Variants in PLAGL1 observed in about 807,000 individuals in gnomAD.
PLAGL1 encodes the protein PLAG1 like zinc finger 1.
PLAGL1 carries 1 observed loss-of-function variant against 4.6 expected under a neutral mutation model. The observed-to-expected ratio is 0.22, with a 90% CI of 0.08 to 1.03. PLAGL1 has a LOEUF of 1.03. PLAGL1 is among the 50% of genes least tolerant of loss of function. The pLI is 0.58. For missense variants in PLAGL1, 464 were observed against 570.4 expected, an observed-to-expected ratio of 0.81 and a Z score of 1.90; for synonymous variants, 240 against 237.8, an observed-to-expected ratio of 1.01 and a Z score of -0.08.
intron 1 of PLAGL1, among the ~76,000 whole-genome samples, chr6:143,986,773 A>AAGTAAAT (rs1789268634): frequency 6.6e-6 from 1 of 152,196 alleles, no homozygotes; most frequent in South Asian, 2.1e-4. Context: ...CCTATCATTC[A>AAGTAAAT]ACAGTGCTTA....
At position 143,949,100 on chromosome 6, in the gene PLAGL1, C is replaced by G. The variant is rs1311914249; in HGVS notation, c.-324-640G>C. Reference sequence around the variant, plus strand: ...CTCAGGAACCAGCCCAGGCCACGTTCAGATTTGTAGGCACCATCCTCTAGT... The same window carrying G: ...CTCAGGAACCAGCCCAGGCCACGTTGAGATTTGTAGGCACCATCCTCTAGT... On this transcript the variant is annotated intron_variant, in intron 6 of 7. Coordinates refer to ENST00000674357, the MANE Select transcript of PLAGL1 (RefSeq NM_001317162.2). The surrounding 1 kb of genome is among the most constrained non-coding windows in gnomAD (Gnocchi z 5.3). Among the ~76,000 whole-genome samples, 1 of 152,234 alleles carries G rather than the reference C, an allele frequency of 6.6e-6. No individual in the cohort carries two copies. The highest frequency in any genetic ancestry group is 1.5e-5 in the Non-Finnish European group (1 of 68,040).
upstream of PLAGL1, among the ~76,000 whole-genome samples, chr6:144,012,685 C>T (rs1795273687): frequency 6.6e-6 from 1 of 152,180 alleles, no homozygotes; most frequent in Admixed American, 6.5e-5. The surrounding 1 kb of genome is among the most constrained non-coding windows in gnomAD (Gnocchi z 4.8). Context: ...TCTCTTTGAA[C>T]ATGACTATGT....
chr6:143,951,250 G>A (rs917410383), intron 6 of PLAGL1, among the ~76,000 whole-genome samples: 2 of 152,222 alleles, frequency 1.3e-5, no homozygotes, highest in African/African-American at 4.8e-5. Flanking sequence ...CAAATAGGCA[G>A]TATTTATGAA....
rs184954207 is a variant in PLAGL1 at position 143,994,910 on chromosome 6, C to A, written c.-583-9736G>T. Among the ~76,000 whole-genome samples, 1 of 152,088 alleles carries A rather than the reference C, an allele frequency of 6.6e-6. No individual in the cohort carries two copies. The highest frequency in any genetic ancestry group is 6.5e-5 in the Admixed American group (1 of 15,280). On this transcript the variant is annotated intron_variant, in intron 1 of 7. Coordinates refer to ENST00000674357, the MANE Select transcript of PLAGL1 (RefSeq NM_001317162.2). This position sits in a 1 kb window ranked among gnomAD's most constrained non-coding sequence, Gnocchi z 4.3. ...ATTAATTTCAGATTTTCTGAACTCA[C>A]GGAGGTAATTGGACTATGTCACATC...
At position 143,941,913 on chromosome 6, in the gene PLAGL1, G is replaced by A; in HGVS notation, c.903C>T (p.His301=). 6.2e-7 allele frequency: 1 copy of A among 1,612,110 alleles called. No homozygotes were observed. Among genetic ancestry groups the A allele is most frequent in the Non-Finnish European group, 8.5e-7 (1 of 1,178,672 alleles). Residue 301 remains histidine, a synonymous_variant, in exon 8 of 8, where the codon CAC becomes CAT. Transcript: ENST00000674357. The surrounding 1 kb of genome is among the most constrained non-coding windows in gnomAD (Gnocchi z 6.0). The stretch of plus-strand genomic sequence containing the variant: ...ATGAGGTAGAAGTGGTGTTGTACTT[G>A]TGATTGGGAAGGGGTGGCGGAGGAG... The part of the protein sequence containing the change: ...PGSPPPPLPN[H]KYNTTSTSYS...
chr6:143,951,870 C>T (rs1035863821), intron 6 of PLAGL1, among the ~76,000 whole-genome samples: 2 of 152,152 alleles, frequency 1.3e-5, no homozygotes, highest in Non-Finnish European at 2.9e-5. Context: ...CAAAGTTGGT[C>T]CTCAGAACTA....
rs754622155 is a variant in PLAGL1 at position 144,061,458 on chromosome 6, G to A, written c.-151+3010C>T. ...CACAGCCAGGTGCCTCTGAAACATCGTAGCTGTTAATCCTCATAAGTCTCC... is the reference window on the plus strand; with the variant it reads ...CACAGCCAGGTGCCTCTGAAACATCATAGCTGTTAATCCTCATAAGTCTCC... On this transcript the variant is annotated intron_variant, in intron 1 of 3. Coordinates refer to the PLAGL1 transcript ENST00000437412. The surrounding 1 kb of genome is among the most constrained non-coding windows in gnomAD (Gnocchi z 4.4). Among the ~76,000 whole-genome samples the A allele has an allele frequency of 1.3e-5, 2 of 152,122 alleles. No homozygotes were observed. The highest frequency in any genetic ancestry group is 1.3e-4 in the Admixed American group (2 of 15,258).
rs1333851355 is a variant in PLAGL1 at position 144,016,061 on chromosome 6, TAGTC to T, written c.-150-47087_-150-47084del. On this transcript the variant is annotated intron_variant, in intron 1 of 3. Coordinates refer to the PLAGL1 transcript ENST00000437412. The surrounding 1 kb of genome is among the most constrained non-coding windows in gnomAD (Gnocchi z 4.2). ...CGGAGTCAAAGAAATCATATTGTAT[TAGTC>T]AGGGTTCTCTAGAGGGACAGAACTA... 5.3e-5 allele frequency among the ~76,000 whole-genome samples: 8 copies of T among 152,288 alleles called. No individual in the cohort carries two copies. Among genetic ancestry groups the T allele is most frequent in the African/African-American group, 1.2e-4 (5 of 41,562 alleles).
intron 1 of PLAGL1, among the ~76,000 whole-genome samples, chr6:143,993,745 G>C (rs12527409): frequency 0.12 from 18,192 of 152,184 alleles, 1,349 homozygotes; most frequent in Non-Finnish European, 0.16. Flanking sequence ...GGACCAGAAA[G>C]ACAGCTATGG....
Sources: gnomAD v4.1 joint callset for allele counts (sites outside exome capture counted in the v4.1 genomes callset) on GRCh38, gnomAD v4.1.1 for gene constraint, Gnocchi (gnomAD v3.1) non-coding constraint, MANE v1.5 for transcripts, NCBI Gene and HGNC (gene_info 2026-07-23, HGNC 2026-07-21) for gene names.